The following PRKCA variants were observed in gnomAD, a reference collection of about 807,000 sequenced individuals.
PRKCA encodes protein kinase C alpha type.
A neutral mutation model predicts 87.0 loss-of-function variants in PRKCA; 27 were observed. The observed-to-expected ratio is 0.31, with a 90% CI of 0.23 to 0.43. The LOEUF is 0.43. Ranked by LOEUF, PRKCA falls within the 20% of genes least tolerant of loss-of-function variation. The pLI is 1.00. For synonymous variants in PRKCA, 329 were observed against 311.1 expected (o/e 1.06, Z -0.61); for missense variants, 518 against 852.3 (o/e 0.61, Z 4.88).
At chr17:66,586,508 G>A (rs1255726808) in intron 3 of PRKCA, among the ~76,000 whole-genome samples, 1 of 152,160 alleles carries the variant, frequency 6.6e-6, no homozygotes, top group African/African-American at 2.4e-5. Flanking sequence ...TTATCAGAAG[G>A]AAGAGCTTCT....
chr17:66,512,878 A>G (rs763505395), intron 3 of PRKCA, among the ~76,000 whole-genome samples: 1 of 152,164 alleles, frequency 6.6e-6, no homozygotes, highest in Non-Finnish European at 1.5e-5. Flanking sequence ...TTTTTAGTAC[A>G]GACAGGGTTT....
chr17:66,714,008 C>T (rs1277994563), intron 8 of PRKCA, among the ~76,000 whole-genome samples: 1 of 152,112 alleles, frequency 6.6e-6, no homozygotes, highest in African/African-American at 2.4e-5. Flanking sequence ...CTGTAGATAC[C>T]CTTAGGGTCA....
At chr17:66,756,765 G>C (rs796406968) in intron 13 of PRKCA, among the ~76,000 whole-genome samples, 1 of 152,044 alleles carries the variant, frequency 6.6e-6, no homozygotes, top group Non-Finnish European at 1.5e-5. Context: ...GGGTTCAAGC[G>C]AGTCTCCGGC....
rs781665677 is a variant in PRKCA at position 66,742,769 on chromosome 17, C to A, written c.1524+9C>A. The A allele has an allele frequency of 8.1e-6, 13 of 1,612,414 alleles. No individual in the cohort carries two copies. The South Asian group carries it at 1.3e-4, about 16-fold the overall frequency. ...ATTATATCGCCCCAGAGGTAGGAAC[C>A]CCAGTGATCGTTTTCTCAACCAGGA... is the stretch of plus-strand genomic sequence containing the variant. On this transcript the variant is annotated intron_variant, in intron 13 of 16. Transcript: ENST00000413366.
intron 2 of PRKCA, among the ~76,000 whole-genome samples, chr17:66,433,030 G>A (rs967608336): frequency 1.1e-4 from 17 of 152,218 alleles, no homozygotes; most frequent in African/African-American, 4.1e-4. Context: ...ACTCTGATGT[G>A]TGCAGTTAGC....
At chr17:66,664,739 G>C (rs1972002184) in intron 5 of PRKCA, among the ~76,000 whole-genome samples, 1 of 132,296 alleles carries the variant, frequency 7.6e-6, no homozygotes, top group South Asian at 2.6e-4. Flanking sequence ...CCGCAGCCAT[G>C]ATGAGCTGCC....
At chr17:66,793,246 G>A (rs1462108013) in intron 16 of PRKCA, among the ~76,000 whole-genome samples, 1 of 152,140 alleles carries the variant, frequency 6.6e-6, no homozygotes, top group Non-Finnish European at 1.5e-5. Context: ...AGCTCAGTGA[G>A]GGCCATCAGT....
At chr17:66,788,297 G>A (rs902247312) in intron 15 of PRKCA, among the ~76,000 whole-genome samples, 1 of 152,140 alleles carries the variant, frequency 6.6e-6, no homozygotes, top group Non-Finnish European at 1.5e-5. Context: ...CATAGACAGT[G>A]TTTGTCTCTG....
At chr17:66,410,482 A>T (rs1314201144) in intron 2 of PRKCA, among the ~76,000 whole-genome samples, 1 of 152,168 alleles carries the variant, frequency 6.6e-6, no homozygotes, top group Non-Finnish European at 1.5e-5. Flanking sequence ...AGAAAATTAC[A>T]CCTTAGCTTA....
At chr17:66,684,731 G>A (rs776508565) in intron 5 of PRKCA, among the ~76,000 whole-genome samples, 2 of 152,100 alleles carry the variant, frequency 1.3e-5, no homozygotes, top group Admixed American at 6.5e-5. Flanking sequence ...GCCAGCACCC[G>A]CAATAATTCT....
intron 13 of PRKCA, among the ~76,000 whole-genome samples, chr17:66,749,498 G>A (rs909994456): frequency 5.3e-5 from 8 of 152,170 alleles, no homozygotes; most frequent in Non-Finnish European, 1.2e-4. Context: ...GTCCCATCCA[G>A]GACTGCTGAC....
At chr17:66,780,068 G>A (rs1328673722) in intron 14 of PRKCA, among the ~76,000 whole-genome samples, 1 of 152,170 alleles carries the variant, frequency 6.6e-6, no homozygotes, top group Non-Finnish European at 1.5e-5. Context: ...GGAGACTTGA[G>A]CCTAGAGAGA....
At chr17:66,325,127 TG>T (rs1242223348) in intron 2 of PRKCA, among the ~76,000 whole-genome samples, 8 of 152,230 alleles carry the variant, frequency 5.3e-5, no homozygotes, top group African/African-American at 1.9e-4. Context: ...TTCCTAAAAA[TG>T]TTATCCATTG....
At chr17:66,715,571 C>CA in intron 8 of PRKCA, among the ~76,000 whole-genome samples, 1 of 152,160 alleles carries the variant, frequency 6.6e-6, no homozygotes, top group East Asian at 1.9e-4. Context: ...ACAGAAAGGC[C>CA]TACAACTGTT....
chr17:66,696,859 G>A (rs1397965474), intron 8 of PRKCA, among the ~76,000 whole-genome samples: 1 of 152,086 alleles, frequency 6.6e-6, no homozygotes, highest in Non-Finnish European at 1.5e-5. Context: ...AGGAGGCTGG[G>A]GAAAGTTGTT....
At chr17:66,760,838 A>G (rs966842460) in intron 13 of PRKCA, among the ~76,000 whole-genome samples, 1 of 152,234 alleles carries the variant, frequency 6.6e-6, no homozygotes, top group Non-Finnish European at 1.5e-5. Context: ...AGTAGGAATT[A>G]GCTTCTGTTT....
chr17:66,575,701 T>C (rs904128723), intron 3 of PRKCA, among the ~76,000 whole-genome samples: 4 of 152,268 alleles, frequency 2.6e-5, no homozygotes, highest in Admixed American at 2.6e-4. Context: ...AAACATTGCC[T>C]GTTACCACCT....
chr17:66,410,607 ACT>A (rs1201541362), intron 2 of PRKCA, among the ~76,000 whole-genome samples: 5 of 152,036 alleles, frequency 3.3e-5, no homozygotes, highest in African/African-American at 1.2e-4. Flanking sequence ...ACAGAGTCTC[ACT>A]CTGTTACTCA....
At chr17:66,560,649 CCAAA>C (rs1186003915) in intron 3 of PRKCA, among the ~76,000 whole-genome samples, 2 of 152,158 alleles carry the variant, frequency 1.3e-5, no homozygotes, top group Admixed American at 1.3e-4. Flanking sequence ...AGATAATGTA[CCAAA>C]CACTTTGTAA....
Sources: gnomAD v4.1 joint callset for allele counts (sites outside exome capture counted in the v4.1 genomes callset) on GRCh38, gnomAD v4.1.1 for gene constraint, MANE v1.5 for transcripts, NCBI Gene and HGNC (gene_info 2026-07-23, HGNC 2026-07-21) for gene names.